The following SHANK2 variants were observed in gnomAD, a reference collection of about 807,000 sequenced individuals.
SHANK2 encodes SH3 and multiple ankyrin repeat domains protein 2.
A neutral mutation model predicts 133.7 loss-of-function variants in SHANK2; 43 were observed. That is an observed-to-expected ratio of 0.32 (90% CI 0.25 to 0.41). The LOEUF (loss-of-function observed/expected upper bound fraction) is 0.41. Among genes scored for constraint, SHANK2 ranks in the 10% least tolerant of loss-of-function variants. SHANK2 has a pLI of 1.00. For missense variants in SHANK2, 1,994 were observed against 2,235.8 expected, an observed-to-expected ratio of 0.89 and a Z score of 2.18; for synonymous variants, 1,017 against 952.8, an observed-to-expected ratio of 1.07 and a Z score of -1.24.
At chr11:71,109,783 GAC>G (rs1555098747) in intron 6 of SHANK2, among the ~76,000 whole-genome samples, 156 bp downstream of exon 6, 1 of 152,244 alleles carries the variant, frequency 6.6e-6, no homozygotes, top group East Asian at 1.9e-4. Flanking sequence ...GGCCCCTTCT[GAC>G]TGAGAAGACA....
chr11:70,682,760 T>C (rs1480640912), intron 15 of SHANK2, among the ~76,000 whole-genome samples: 1 of 152,048 alleles, frequency 6.6e-6, no homozygotes, highest in Non-Finnish European at 1.5e-5. Context: ...AGCATCCTGG[T>C]TCCTTTGTTG....
At chr11:70,526,635 C>T (rs947728469) in intron 17 of SHANK2, among the ~76,000 whole-genome samples, 2 of 152,368 alleles carry the variant, frequency 1.3e-5, no homozygotes, top group South Asian at 2.1e-4. Context: ...TGCCTGCTTC[C>T]GGCTTTGGCC....
At chr11:71,093,051 A>AGAG (rs1555094441) in intron 7 of SHANK2, among the ~76,000 whole-genome samples, 1 of 70,546 alleles carries the variant, frequency 1.4e-5, no homozygotes, top group African/African-American at 4.8e-5. Flanking sequence ...TCAAAAATAA[A>AGAG]GGGGGGGGGG....
At chr11:71,180,938 A>T (rs1953542017) in intron 2 of SHANK2, among the ~76,000 whole-genome samples, 1 of 152,050 alleles carries the variant, frequency 6.6e-6, no homozygotes, top group Admixed American at 6.6e-5. Flanking sequence ...CTGGCCATAA[A>T]GCAACCTTCC....
At chr11:71,213,640 A>G (rs1480893856) in intron 2 of SHANK2, among the ~76,000 whole-genome samples, 1 of 152,052 alleles carries the variant, frequency 6.6e-6, no homozygotes. Flanking sequence ...TGTTCCCCAC[A>G]CTCGGAAACT....
intron 3 of SHANK2, among the ~76,000 whole-genome samples, chr11:71,120,264 T>G (rs1182245654): frequency 1.3e-5 from 2 of 152,250 alleles, no homozygotes; most frequent in Non-Finnish European, 2.9e-5. Context: ...CCATGACTTC[T>G]AATTTTTGTT....
At chr11:70,927,452 G>C (rs1346730056) in intron 10 of SHANK2, among the ~76,000 whole-genome samples, 1 of 152,078 alleles carries the variant, frequency 6.6e-6, no homozygotes, top group Non-Finnish European at 1.5e-5. Context: ...AGCGAATCTA[G>C]GCCAGGTTGG....
At chr11:70,591,105 G>A (rs1255704295) in intron 17 of SHANK2, among the ~76,000 whole-genome samples, 1 of 152,214 alleles carries the variant, frequency 6.6e-6, no homozygotes, top group Non-Finnish European at 1.5e-5. Context: ...ACTTTGGGAG[G>A]CCGAGGTGGG....
At chr11:70,621,673 G>A (rs1046859605) in intron 17 of SHANK2, among the ~76,000 whole-genome samples, 1 of 152,186 alleles carries the variant, frequency 6.6e-6, no homozygotes, top group Non-Finnish European at 1.5e-5. Context: ...CCAGCCATGC[G>A]TGGCTGCTTA....
intron 10 of SHANK2, among the ~76,000 whole-genome samples, chr11:70,900,970 T>A (rs1433596440): frequency 2.6e-5 from 4 of 152,270 alleles, no homozygotes; most frequent in Middle Eastern, 3.4e-3. Flanking sequence ...GCTGCAGGTG[T>A]GCACAGCAGT....
intron 14 of SHANK2, among the ~76,000 whole-genome samples, chr11:70,788,326 T>TTTTCAGTGGATATCATGGTATCCA: frequency 6.6e-6 from 1 of 152,250 alleles, no homozygotes; most frequent in Non-Finnish European, 1.5e-5. Flanking sequence ...GGTTTCACTT[T>TTTTCAGTGGATATCATGGTATCCA]CTGAGGTTTT....
rs548548746 is a variant in SHANK2, at chr11:70,659,869, C to A, written c.2020G>T (p.Ala674Ser). The change falls in exon 17 of 26, where the codon GCG (alanine) becomes TCG (serine). Residue 674 changes from alanine (A) to serine (S), a missense_variant. Coordinates refer to ENST00000601538, the MANE Select transcript of SHANK2 (RefSeq NM_012309.5). The part of the protein sequence containing the change: ...YLESVDEGGV[A>S]WQAGLRTGDF... ...CCGGTCCTTAGTCCGGCTTGCCACGCCACCCCACCTTCATCCACGGACTCC... is the reference window on the plus strand; with the variant it reads ...CCGGTCCTTAGTCCGGCTTGCCACGACACCCCACCTTCATCCACGGACTCC... 6.2e-7 allele frequency: 1 copy of A among 1,614,214 alleles called. No homozygotes were observed. The highest frequency in any genetic ancestry group is 8.5e-7 in the Non-Finnish European group (1 of 1,180,050).
At chr11:70,475,917 T>C (rs2058656474) in intron 25 of SHANK2, among the ~76,000 whole-genome samples, 1 of 152,002 alleles carries the variant, frequency 6.6e-6, no homozygotes, top group African/African-American at 2.4e-5. Context: ...CTGGGCCCAG[T>C]TACTCACAAT....
intron 10 of SHANK2, among the ~76,000 whole-genome samples, chr11:70,950,654 C>T (rs1175362725): frequency 6.6e-6 from 1 of 151,890 alleles, no homozygotes; most frequent in Non-Finnish European, 1.5e-5. Context: ...GTGGCCCAGG[C>T]TGGAGTACAA....
In SHANK2 at chr11:71,216,457, G is replaced by A. The variant is rs187628858; in HGVS notation, c.-13+8240C>T. ...ATGGAGATTTGTGGTCGCCAGGGCC[G>A]GAGGTGATTGGTTAGAGGGATTCAG... is the stretch of plus-strand genomic sequence containing the variant. On this transcript the variant is annotated intron_variant, in intron 2 of 25. Coordinates refer to ENST00000601538, the MANE Select transcript of SHANK2 (RefSeq NM_012309.5). Among the ~76,000 whole-genome samples, 155 of 152,264 alleles carry A rather than the reference G, an allele frequency of 1.0e-3. 1 individual carries two copies. Among genetic ancestry groups the A allele is most frequent in the African/African-American group, 3.5e-3 (145 of 41,544 alleles).
At chr11:71,210,248 A>ATATATG (rs1954241057) in intron 2 of SHANK2, among the ~76,000 whole-genome samples, 2 of 101,292 alleles carry the variant, frequency 2.0e-5, no homozygotes, top group African/African-American at 1.0e-4. Context: ...ATATATATAT[A>ATATATG]TATATTTATT....
At chr11:70,859,211 G>A (rs1392205824) in intron 11 of SHANK2, among the ~76,000 whole-genome samples, 1 of 152,192 alleles carries the variant, frequency 6.6e-6, no homozygotes, top group Non-Finnish European at 1.5e-5. Context: ...GTGGATGAGG[G>A]TAAGTAGGCA....
At chr11:71,198,490 C>T (rs1555116560) in intron 2 of SHANK2, among the ~76,000 whole-genome samples, 2 of 152,198 alleles carry the variant, frequency 1.3e-5, no homozygotes, top group East Asian at 1.9e-4. Flanking sequence ...CCTTGAGAAA[C>T]AGCCCCACAG....
chr11:71,221,325 C>T (rs11232656), intron 2 of SHANK2, among the ~76,000 whole-genome samples: 46,918 of 152,040 alleles, frequency 0.31, 7,317 homozygotes, highest in East Asian at 0.43. Context: ...TGGACCCTCA[C>T]ACCACAGTCT....
Sources: gnomAD v4.1 joint callset for allele counts (sites outside exome capture counted in the v4.1 genomes callset) on GRCh38, gnomAD v4.1.1 for gene constraint, MANE v1.5 for transcripts, NCBI Gene and HGNC (gene_info 2026-07-23, HGNC 2026-07-21) for gene names.